TMIGD3: variants seen among roughly 807,000 people sequenced by gnomAD.
TMIGD3 encodes transmembrane and immunoglobulin domain containing 3.
In TMIGD3, 21 loss-of-function variants were observed where a neutral mutation model predicts 28.1. The observed-to-expected ratio is 0.75, with a 90% CI of 0.53 to 1.08. TMIGD3 has a LOEUF of 1.08. Ranked by LOEUF, TMIGD3 falls within the 50% of genes least tolerant of loss-of-function variation. The pLI is 0.00. For missense variants in TMIGD3, 416 were observed against 435.6 expected (o/e 0.96, Z 0.40); for synonymous variants, 151 against 162.1 (o/e 0.93, Z 0.52).
chr1:111,545,542 A>T (rs1398207483), intron 1 of TMIGD3, among the ~76,000 whole-genome samples: 1 of 152,042 alleles, frequency 6.6e-6, no homozygotes. Context: ...CAGATATATG[A>T]TTTACAAATA....
At chr1:111,550,501 T>C (rs1037901512) in intron 1 of TMIGD3, among the ~76,000 whole-genome samples, 1 of 152,226 alleles carries the variant, frequency 6.6e-6, no homozygotes. Context: ...TCTTCCAACA[T>C]TCCCTGTATC....
At chr1:111,489,911 T>A (rs1479419519) in intron 2 of TMIGD3, among the ~76,000 whole-genome samples, 1 of 152,098 alleles carries the variant, frequency 6.6e-6, no homozygotes, top group Non-Finnish European at 1.5e-5. Context: ...AGGGAAAGTG[T>A]CTGACCAAGA....
intron 1 of TMIGD3, among the ~76,000 whole-genome samples, chr1:111,513,173 A>G (rs1655748699): frequency 6.6e-6 from 1 of 152,228 alleles, no homozygotes; most frequent in Admixed American, 6.5e-5. Flanking sequence ...CAAGAACTAG[A>G]GTATTCAGAG....
rs1655359276 is a variant in TMIGD3, at chr1:111,503,412, G to A, written c.-58C>T. The A allele has an allele frequency of 6.5e-6, 10 of 1,536,946 alleles. No homozygotes were observed. The highest frequency in any genetic ancestry group is 8.8e-6 in the Non-Finnish European group (10 of 1,137,046). On this transcript the variant is annotated 5_prime_UTR_variant, in exon 1 of 6. Transcript: ENST00000369716. ...GGTGAGCCAGCAAGATCCGTCTGTA[G>A]GGCCAGTGGGCCTAGCTCTCGCCAG...
intron 1 of TMIGD3, among the ~76,000 whole-genome samples, chr1:111,524,396 A>T (rs1656190332): frequency 1.3e-5 from 2 of 152,068 alleles, no homozygotes; most frequent in African/African-American, 4.8e-5. Flanking sequence ...TTTAAAAAAA[A>T]TTTTAAATGA....
At chr1:111,539,731 G>A (rs1656754182) in intron 1 of TMIGD3, among the ~76,000 whole-genome samples, 1 of 152,166 alleles carries the variant, frequency 6.6e-6, no homozygotes, top group African/African-American at 2.4e-5. Context: ...GAAGTAAATG[G>A]AGAAAGCATA....
At chr1:111,483,809 C>G (rs1400438262) in intron 5 of TMIGD3, 52 bp from the exon 6 acceptor site, 2 of 1,458,128 alleles carry the variant, frequency 1.4e-6, no homozygotes, top group African/African-American at 1.4e-5. Flanking sequence ...TTGCCTACCC[C>G]TGAAGAGTGT....
intron 1 of TMIGD3, among the ~76,000 whole-genome samples, chr1:111,499,090 C>CCAAAA (rs1655024984): frequency 7.4e-6 from 1 of 135,606 alleles, no homozygotes; most frequent in Non-Finnish European, 1.6e-5. Flanking sequence ...GACCTTGTCT[C>CCAAAA]AAAAAAAAAA....
chr1:111,500,262 G>T, intron 1 of TMIGD3: 1 of 1,614,174 alleles, frequency 6.2e-7, no homozygotes, highest in Non-Finnish European at 8.5e-7. Context: ...CTGTCTCTTT[G>T]GAGTTAGATA....
At chr1:111,524,967 AT>A (rs1656215786) in intron 1 of TMIGD3, among the ~76,000 whole-genome samples, 1 of 152,184 alleles carries the variant, frequency 6.6e-6, no homozygotes, top group African/African-American at 2.4e-5. Flanking sequence ...TTATTTAAAA[AT>A]GTGTTAATTT....
At chr1:111,530,004 C>A (rs1168825240) in intron 1 of TMIGD3, among the ~76,000 whole-genome samples, 1 of 95,906 alleles carries the variant, frequency 1.0e-5, no homozygotes, top group Non-Finnish European at 2.1e-5. Context: ...GGGCGCTGAC[C>A]CCCCCACCTC....
At chr1:111,502,194 TTATAATAAATATATAGGA>T in intron 1 of TMIGD3, among the ~76,000 whole-genome samples, 1 of 30,778 alleles carries the variant, frequency 3.2e-5, no homozygotes, top group African/African-American at 9.4e-5. Context: ...GATATATATA[TTATAATAAATATATAGGA>T]TATATATTTA....
At chr1:111,556,623 A>G (rs1206595757) in intron 1 of TMIGD3, among the ~76,000 whole-genome samples, 2 of 152,230 alleles carry the variant, frequency 1.3e-5, no homozygotes, top group Non-Finnish European at 2.9e-5. Context: ...ACTTGAGGAC[A>G]TTATGCTAAG....
At chr1:111,511,163 C>T (rs972902665) in intron 1 of TMIGD3, among the ~76,000 whole-genome samples, 3 of 152,224 alleles carry the variant, frequency 2.0e-5, no homozygotes, top group Non-Finnish European at 4.4e-5. Flanking sequence ...ACACATTCCT[C>T]TCTTGGAGCA....
chr1:111,497,657 A>G (rs532013095), intron 1 of TMIGD3, among the ~76,000 whole-genome samples: 89 of 152,162 alleles, frequency 5.8e-4, no homozygotes, highest in Non-Finnish European at 1.1e-3. Flanking sequence ...AAAAGAAAAA[A>G]AGAGAGAGAG....
chr1:111,541,042 C>G (rs1428831809), intron 1 of TMIGD3, among the ~76,000 whole-genome samples: 6 of 152,190 alleles, frequency 3.9e-5, no homozygotes, highest in African/African-American at 1.2e-4. Flanking sequence ...TACACTCCAC[C>G]TAGACTCTGC....
chr1:111,488,774 G>A lies in TMIGD3; in HGVS notation c.708C>T (p.Gly236=), dbSNP rs775796863. ...CATCCCTGGCAAAGTCCCGCTGGAT[G>A]CCACACCAGTACCAGCCCGTGTCCT... ...TKEDTGWYWC[G]IQRDFARDDM... The change falls in exon 3 of 6, where the codon GGC becomes GGT. Residue 236 remains glycine, a synonymous_variant. Coordinates refer to ENST00000369716, the MANE Select transcript of TMIGD3 (RefSeq NM_020683.7). The A allele has an allele frequency of 6.2e-7, 1 of 1,614,208 alleles. No individual in the cohort carries two copies. The highest frequency in any genetic ancestry group is 1.1e-5 in the South Asian group (1 of 91,084).
intron 1 of TMIGD3, among the ~76,000 whole-genome samples, chr1:111,526,143 T>A (rs1656253154): frequency 6.6e-6 from 1 of 152,126 alleles, no homozygotes; most frequent in African/African-American, 2.4e-5. Flanking sequence ...GACAGCAAAA[T>A]TGAGTGGTAA....
At chr1:111,499,923 T>A in intron 1 of TMIGD3, 1 of 1,606,464 alleles carries the variant, frequency 6.2e-7, no homozygotes, top group Non-Finnish European at 8.5e-7. Context: ...TGAAGGTCAA[T>A]GAGACAGAGT....
Sources: allele counts gnomAD v4.1 joint callset (sites outside exome capture counted in the v4.1 genomes callset), GRCh38; gene constraint gnomAD v4.1.1; transcripts MANE v1.5; gene names NCBI Gene and HGNC (gene_info 2026-07-23, HGNC 2026-07-21).